PHACTR4: variants seen among roughly 807,000 people sequenced by gnomAD.
PHACTR4 encodes protein phosphatase 1, regulatory subunit 124.
In PHACTR4, 51 loss-of-function variants were observed where a neutral mutation model predicts 72.7. The observed-to-expected ratio is 0.70, with a 90% confidence interval of 0.56 to 0.89. The LOEUF (loss-of-function observed/expected upper bound fraction) is 0.89, where lower values mean the gene tolerates loss of function less well. Among genes scored for constraint, PHACTR4 ranks in the 40% least tolerant of loss-of-function variants. The pLI is 0.00. For missense variants in PHACTR4, 731 were observed against 861.8 expected (o/e 0.85, Z 1.90); for synonymous variants, 255 against 302.5 (o/e 0.84, Z 1.63).
At position 28,474,030 on chromosome 1, in the gene PHACTR4, A is replaced by C. The variant is rs752002123; in HGVS notation, c.1300A>C (p.Ile434Leu). Residue 434 changes from isoleucine to leucine, a missense_variant, in exon 7 of 14, where the codon ATT becomes CTT. This residue lies in a region of PHACTR4 where 621 missense variants were observed against 676.6 expected (regional missense o/e 0.92). Transcript: ENST00000373839. ...CACCAGCCCACTTCCCATGACTCCT[A>C]TTCTGGAGGGTTCTCACAGAGCTCA... is the stretch of plus-strand genomic sequence containing the variant. ...ALTSPLPMTP[I>L]LEGSHRAHSL... The C allele has an allele frequency of 5.0e-6, 8 of 1,614,122 alleles. No homozygotes were observed. In the East Asian group the frequency reaches 1.6e-4, roughly 31 times the overall value.
At chr1:28,396,845 C>CT (rs60578939) in intron 1 of PHACTR4, among the ~76,000 whole-genome samples, 1,740 of 119,592 alleles carry the variant, frequency 0.015, 58 homozygotes, top group African/African-American at 0.046. Flanking sequence ...TTCTTTCTTT[C>CT]TTTTTTTTTT....
chr1:28,496,413 G>A, intron 13 of PHACTR4, 121 bp from the exon 14 acceptor site: 1 of 1,126,982 alleles, frequency 8.9e-7, no homozygotes, highest in South Asian at 1.3e-5. Flanking sequence ...GAAAGGTCAG[G>A]TCGAATTAGA....
intron 1 of PHACTR4, among the ~76,000 whole-genome samples, chr1:28,375,026 C>G (rs962850999): frequency 6.6e-6 from 1 of 152,186 alleles, no homozygotes; most frequent in South Asian, 2.1e-4. Context: ...AGGCCCAGCA[C>G]GGTGGCTCAC....
chr1:28,467,674 G>A (rs1370384264), intron 6 of PHACTR4, among the ~76,000 whole-genome samples: 1 of 152,142 alleles, frequency 6.6e-6, no homozygotes, highest in African/African-American at 2.4e-5. Context: ...ACAGGGAACT[G>A]CAGAAGCTAT....
intron 2 of PHACTR4, among the ~76,000 whole-genome samples, chr1:28,439,688 A>G (rs1656862344): frequency 6.6e-6 from 1 of 152,254 alleles, no homozygotes; most frequent in Non-Finnish European, 1.5e-5. Flanking sequence ...GATGAAATTT[A>G]GAACATAAAG....
At chr1:28,445,538 T>C (rs951564491) in intron 2 of PHACTR4, among the ~76,000 whole-genome samples, 1 of 152,096 alleles carries the variant, frequency 6.6e-6, no homozygotes, top group Non-Finnish European at 1.5e-5. Context: ...AATTAACTTT[T>C]CCCCCCACTT....
intron 2 of PHACTR4, among the ~76,000 whole-genome samples, chr1:28,429,296 A>T (rs1656076421): frequency 6.6e-6 from 1 of 152,218 alleles, no homozygotes; most frequent in African/African-American, 2.4e-5. Flanking sequence ...GAAGCTTCAT[A>T]TGACAAATCT....
At chr1:28,418,854 G>C (rs2124330999) in intron 2 of PHACTR4, among the ~76,000 whole-genome samples, 1 of 151,574 alleles carries the variant, frequency 6.6e-6, no homozygotes, top group African/African-American at 2.4e-5. Context: ...GGGAGGCTGA[G>C]ACAGGAGAAT....
Position 28,401,417 on chromosome 1 carries a change from C to T in PHACTR4, c.-38-5993C>T, listed in dbSNP as rs1653937681. ...CACCTCCCGAGTTCAAGCCATTTTC[C>T]TGCCTCAGCCTCCCACGTAGCTGGG... On this transcript the variant is annotated intron_variant, in intron 1 of 13. Coordinates refer to ENST00000373839, the MANE Select transcript of PHACTR4 (RefSeq NM_001048183.3). 2.0e-5 allele frequency among the ~76,000 whole-genome samples: 3 copies of T among 151,262 alleles called. No individual in the cohort carries two copies. The South Asian group carries it at 6.2e-4, about 31-fold the overall frequency.
In PHACTR4 at chr1:28,496,603, A is replaced by G. The variant is rs994652566; in HGVS notation, c.*54A>G. 2 of 1,602,150 alleles carry G rather than the reference A, an allele frequency of 1.2e-6. No homozygotes were observed. The highest frequency in any genetic ancestry group is 1.7e-6 in the Non-Finnish European group (2 of 1,170,574). Reference sequence around the variant, plus strand: ...GGCTGCTTTGCTGCTTCCTTCTCCAAAGTGACATATGGAGGGAACTTTAGC... The same window carrying G: ...GGCTGCTTTGCTGCTTCCTTCTCCAGAGTGACATATGGAGGGAACTTTAGC... On this transcript the variant is annotated 3_prime_UTR_variant, in exon 14 of 14. Coordinates refer to ENST00000373839, the MANE Select transcript of PHACTR4 (RefSeq NM_001048183.3).
At chr1:28,415,914 T>C (rs1335802691) in intron 2 of PHACTR4, among the ~76,000 whole-genome samples, 2 of 152,228 alleles carry the variant, frequency 1.3e-5, no homozygotes, top group African/African-American at 2.4e-5. Flanking sequence ...TTTTTTCTTA[T>C]TCTGTATCTG....
intron 2 of PHACTR4, among the ~76,000 whole-genome samples, chr1:28,454,270 CTTTTTTTTTTTTTT>C (rs945039969): frequency 1.1e-5 from 1 of 95,084 alleles, no homozygotes; most frequent in Non-Finnish European, 2.0e-5. Context: ...ATCACTTTGT[CTTTTTTTTTTTTTT>C]TTTTTTTTTT....
intron 2 of PHACTR4, among the ~76,000 whole-genome samples, chr1:28,416,355 T>C (rs1655106299): frequency 6.6e-6 from 1 of 152,212 alleles, no homozygotes; most frequent in Non-Finnish European, 1.5e-5. Context: ...CACTGCCCAG[T>C]AGTAAACACA....
At chr1:28,422,002 C>T (rs1188811501) in intron 2 of PHACTR4, among the ~76,000 whole-genome samples, 1 of 152,164 alleles carries the variant, frequency 6.6e-6, no homozygotes. Flanking sequence ...TTTTTGTTGG[C>T]TCACTGCCCT....
chr1:28,431,603 G>A (rs1656274411), intron 2 of PHACTR4, among the ~76,000 whole-genome samples: 1 of 152,062 alleles, frequency 6.6e-6, no homozygotes, highest in Admixed American at 6.6e-5. Context: ...TCTGTCTTTA[G>A]TAATGAAGCC....
chr1:28,390,767 T>C (rs1184877091), intron 1 of PHACTR4, among the ~76,000 whole-genome samples: 1 of 151,864 alleles, frequency 6.6e-6, no homozygotes, highest in Non-Finnish European at 1.5e-5. Flanking sequence ...CGCTCCAGCC[T>C]GGGCAACAGA....
At chr1:28,402,270 G>T (rs1256776560) in intron 1 of PHACTR4, among the ~76,000 whole-genome samples, 1 of 152,094 alleles carries the variant, frequency 6.6e-6, no homozygotes, top group Non-Finnish European at 1.5e-5. Flanking sequence ...ACCTGGGGGG[G>T]AAAAAATTGG....
intron 1 of PHACTR4, among the ~76,000 whole-genome samples, chr1:28,378,707 G>A (rs192800319): frequency 1.6e-3 from 237 of 151,640 alleles, no homozygotes; most frequent in African/African-American, 5.4e-3. Context: ...AAAGCAGCCA[G>A]CAGAGAGGCA....
At chr1:28,461,853 C>T (rs79866241) in intron 4 of PHACTR4, among the ~76,000 whole-genome samples, 13,851 of 141,456 alleles carry the variant, frequency 0.098, 1,437 homozygotes, top group African/African-American at 0.27. Flanking sequence ...TTCTTTCTTT[C>T]TTTTTTTTTT....
Sources: gnomAD v4.1 joint callset for allele counts (sites outside exome capture counted in the v4.1 genomes callset) on GRCh38, gnomAD v4.1.1 for gene constraint, gnomAD v4.1.1 regional missense constraint, MANE v1.5 for transcripts, NCBI Gene and HGNC (gene_info 2026-07-23, HGNC 2026-07-21) for gene names.